The following SOX5 variants were observed in gnomAD, a reference collection of about 807,000 sequenced individuals.
The protein encoded by SOX5 is transcription factor SOX-5.
SOX5 carries 9 observed loss-of-function variants against 92.0 expected under a neutral mutation model. That is an observed-to-expected ratio of 0.10 (90% CI 0.06 to 0.17). SOX5 has a LOEUF of 0.17. Ranked by LOEUF, SOX5 falls within the 10% of genes least tolerant of loss-of-function variation. The pLI is 1.00. For synonymous variants in SOX5, 344 were observed against 336.3 expected (o/e 1.02, Z -0.25); for missense variants, 642 against 944.5 (o/e 0.68, Z 4.20).
intron 6 of SOX5, among the ~76,000 whole-genome samples, chr12:23,692,847 T>C (rs190086049): frequency 6.6e-6 from 1 of 152,340 alleles, no homozygotes; most frequent in Admixed American, 6.5e-5. Flanking sequence ...TCTGAGGATA[T>C]TTTATTGTAT....
intron 3 of SOX5, among the ~76,000 whole-genome samples, chr12:24,274,672 G>GA (rs11394481): frequency 0.85 from 124,402 of 146,262 alleles, 53,364 homozygotes; most frequent in South Asian, 0.96. Context: ...GTTTTGAAAG[G>GA]AAAAAAAAAA....
chr12:24,434,978 CA>C (rs762282266), intron 1 of SOX5, among the ~76,000 whole-genome samples: 2 of 152,214 alleles, frequency 1.3e-5, no homozygotes, highest in African/African-American at 2.4e-5. Context: ...CTTTCTCTCC[CA>C]CTGTCTCACG....
At chr12:24,307,424 T>C (rs1436522331) in intron 2 of SOX5, among the ~76,000 whole-genome samples, 1 of 151,522 alleles carries the variant, frequency 6.6e-6, no homozygotes, top group East Asian at 2.0e-4. Context: ...AGACAGTGTC[T>C]TTCTCATTTA....
At chr12:24,365,056 C>T (rs11047397) in intron 2 of SOX5, among the ~76,000 whole-genome samples, 1 of 152,142 alleles carries the variant, frequency 6.6e-6, no homozygotes, top group East Asian at 1.9e-4. Context: ...GTATATTAAA[C>T]TTGAGGAGCA....
intron 6 of SOX5, among the ~76,000 whole-genome samples, chr12:23,727,437 T>C (rs2093193577): frequency 6.6e-6 from 1 of 152,018 alleles, no homozygotes; most frequent in South Asian, 2.1e-4. Flanking sequence ...TTTGGAGCAA[T>C]TTATGGAAAT....
intron 1 of SOX5, among the ~76,000 whole-genome samples, chr12:23,900,301 G>T (rs1288531949): frequency 6.6e-6 from 1 of 152,064 alleles, no homozygotes; most frequent in African/African-American, 2.4e-5. Context: ...GTAGCATCCT[G>T]CATAATTAAG....
intron 1 of SOX5, among the ~76,000 whole-genome samples, chr12:24,452,277 C>T (rs563731331): frequency 5.2e-4 from 79 of 152,226 alleles, no homozygotes; most frequent in African/African-American, 1.8e-3. Flanking sequence ...GAGTAGCTTG[C>T]GTAAAGCAAT....
chr12:23,618,568 G>A (rs893149431), intron 8 of SOX5, among the ~76,000 whole-genome samples: 25 of 152,110 alleles, frequency 1.6e-4, no homozygotes, highest in African/African-American at 6.0e-4. Flanking sequence ...AACACATAAG[G>A]GGAGGAAGTA....
chr12:24,521,929 G>A (rs989962708), intron 1 of SOX5, among the ~76,000 whole-genome samples: 1 of 150,842 alleles, frequency 6.6e-6, no homozygotes. Context: ...GTTAGCAGGA[G>A]GAAAGAAAAA....
chr12:24,048,175 G>A (rs973872546), intron 4 of SOX5, among the ~76,000 whole-genome samples: 8 of 152,124 alleles, frequency 5.3e-5, no homozygotes, highest in Non-Finnish European at 8.8e-5. Context: ...CAAACTCCAG[G>A]CAAAATCAGT....
chr12:23,638,318 G>T (rs1172555088), intron 8 of SOX5: 3 of 152,206 alleles, frequency 2.0e-5, no homozygotes, highest in African/African-American at 7.2e-5. Context: ...ACTAACGATG[G>T]AAGGGGAAGC....
chr12:23,874,817 C>T (rs1032538822), intron 2 of SOX5, among the ~76,000 whole-genome samples: 1 of 152,132 alleles, frequency 6.6e-6, no homozygotes, highest in Non-Finnish European at 1.5e-5. Context: ...AAAACTACCA[C>T]GACAGATGCT....
Position 23,529,826 on chromosome 12 carries a change from ATACT to A in SOX5, c.*4389_*4392del, listed in dbSNP as rs1231087788. The A allele has an allele frequency of 4.6e-5, 7 of 152,214 alleles. No individual in the cohort carries two copies. Among genetic ancestry groups the A allele is most frequent in the Non-Finnish European group, 7.3e-5 (5 of 68,030 alleles). The allele number at this position is 152,214 out of a possible 1,614,324, so 9.4% of individuals were successfully genotyped here. A position where few individuals can be genotyped will look rare whatever the true frequency, so the allele number is the denominator to read the frequency against. On this transcript the variant is annotated 3_prime_UTR_variant, in exon 15 of 15. Transcript: ENST00000451604. ...TTTCAAGTGAGATGGTAGGTTGCAC[ATACT>A]TTGTTTTAAGCTCCAGGCATTTGAT...
intron 3 of SOX5, among the ~76,000 whole-genome samples, chr12:23,822,670 T>C (rs927604385): frequency 6.6e-6 from 1 of 152,194 alleles, no homozygotes; most frequent in Non-Finnish European, 1.5e-5. Context: ...CTCCTGAATA[T>C]ACTTGTTAAT....
At chr12:23,940,083 G>C (rs1943336315) in intron 1 of SOX5, among the ~76,000 whole-genome samples, 1 of 150,960 alleles carries the variant, frequency 6.6e-6, no homozygotes, top group Admixed American at 6.6e-5. Context: ...CAGACTTTTA[G>C]ATCCCTGACC....
At chr12:24,114,602 A>AG (rs1947773217) in intron 4 of SOX5, among the ~76,000 whole-genome samples, 1 of 147,962 alleles carries the variant, frequency 6.8e-6, no homozygotes, top group African/African-American at 2.5e-5. Context: ...AAAAAAAAAA[A>AG]AAATTAACAG....
chr12:24,208,982 G>C (rs1241784942), intron 4 of SOX5, among the ~76,000 whole-genome samples: 1 of 152,168 alleles, frequency 6.6e-6, no homozygotes, highest in African/African-American at 2.4e-5. Context: ...AGAGGATTGA[G>C]GAGGAGAAAA....
chr12:23,646,418 T>C lies in SOX5; in HGVS notation c.932-5521A>G, dbSNP rs187432972. On this transcript the variant is annotated intron_variant, in intron 7 of 14. Transcript: ENST00000451604. ...CTGGGCTCAAGCAATCCACCTGCCT[T>C]GGCCTCCCAAAGTGCTGGGATTATG... Among the ~76,000 whole-genome samples the C allele has an allele frequency of 7.4e-3, 1,123 of 152,248 alleles. 17 individuals carry two copies. The highest frequency in any genetic ancestry group is 0.026 in the African/African-American group (1,063 of 41,554).
chr12:24,022,916 A>G (rs1200522751), intron 4 of SOX5, among the ~76,000 whole-genome samples: 2 of 107,108 alleles, frequency 1.9e-5, no homozygotes, highest in African/African-American at 3.3e-5. Flanking sequence ...ACTTCTGACC[A>G]TGGGTAAAAA....
Sources: gnomAD v4.1 joint callset for allele counts (sites outside exome capture counted in the v4.1 genomes callset) on GRCh38, gnomAD v4.1.1 for gene constraint, MANE v1.5 for transcripts, NCBI Gene and HGNC (gene_info 2026-07-23, HGNC 2026-07-21) for gene names.